Variants in HTR1F observed in about 807,000 individuals in gnomAD.
HTR1F encodes 5-hydroxytryptamine receptor 1F.
Under a neutral mutation model 24.0 loss-of-function variants are expected in HTR1F, and 17 were observed. The observed-to-expected ratio is 0.71, with a 90% CI of 0.48 to 1.06. HTR1F has a LOEUF of 1.06. Among genes scored for constraint, HTR1F ranks in the 50% least tolerant of loss-of-function variants. HTR1F has a pLI of 0.00. For missense variants in HTR1F, 391 were observed against 427.8 expected, an observed-to-expected ratio of 0.91 and a Z score of 0.76; for synonymous variants, 186 against 156.8, an observed-to-expected ratio of 1.19 and a Z score of -1.39.
chr3:87,824,373 G>T (rs886819811), intron 2 of HTR1F, among the ~76,000 whole-genome samples: 11 of 152,218 alleles, frequency 7.2e-5, no homozygotes, highest in African/African-American at 1.7e-4. Context: ...AATGCGACAT[G>T]ATTGGATCCC....
intron 2 of HTR1F, among the ~76,000 whole-genome samples, chr3:87,931,026 C>CTTTTTTTTTTTTTTTTTTTTTCTT (rs34617109): frequency 1.3e-4 from 17 of 131,820 alleles, no homozygotes; most frequent in Non-Finnish European, 2.1e-4. Flanking sequence ...ATAGTCTTTC[C>CTTTTTTTTTTTTTTTTTTTTTCTT]TTTTTTTTTT....
intron 2 of HTR1F, among the ~76,000 whole-genome samples, chr3:87,977,586 C>A (rs1454775882): frequency 2.1e-5 from 3 of 141,102 alleles, no homozygotes; most frequent in Non-Finnish European, 1.5e-5. Context: ...TTTTTTTTTT[C>A]TTTTTTTTTG....
At chr3:87,874,598 C>A in intron 2 of HTR1F, among the ~76,000 whole-genome samples, 1 of 151,034 alleles carries the variant, frequency 6.6e-6, no homozygotes. Flanking sequence ...AATACAATCC[C>A]TACCAAAATC....
At chr3:87,986,976 C>T (rs116197764) in intron 2 of HTR1F, among the ~76,000 whole-genome samples, 1 of 152,000 alleles carries the variant, frequency 6.6e-6, no homozygotes, top group South Asian at 2.1e-4. Context: ...TGTGGTGACA[C>T]GTGCCTGTAA....
rs1705858260 is a variant in HTR1F at position 87,992,449 on chromosome 3, GTGGGTTAGGTA to G, written c.*600_*610del. On this transcript the variant is annotated 3_prime_UTR_variant, in exon 3 of 3. Coordinates refer to ENST00000319595, the MANE Select transcript of HTR1F (RefSeq NM_001322209.2). ...TTAGGTAGCAAAGAGTAATCATAAAGTGGGTTAGGTACAGCAAAATAATTCAATACTGAACT... is the reference window on the plus strand; with the variant it reads ...TTAGGTAGCAAAGAGTAATCATAAAGCAGCAAAATAATTCAATACTGAACT... 2 of 167,002 alleles carry G rather than the reference GTGGGTTAGGTA, an allele frequency of 1.2e-5. No homozygotes were observed. The highest frequency in any genetic ancestry group is 2.9e-5 in the Non-Finnish European group (2 of 68,096). The allele number at this position is 167,002 out of a possible 1,614,324, so 10.3% of individuals were successfully genotyped here.
intron 2 of HTR1F, among the ~76,000 whole-genome samples, chr3:87,906,553 A>C (rs1277177941): frequency 6.6e-6 from 1 of 150,752 alleles, no homozygotes; most frequent in Non-Finnish European, 1.5e-5. Flanking sequence ...CTTTTTCTTT[A>C]TTTCAATAGG....
intron 2 of HTR1F, among the ~76,000 whole-genome samples, chr3:87,876,538 C>T (rs563105731): frequency 1.3e-5 from 2 of 152,146 alleles, no homozygotes; most frequent in African/African-American, 4.8e-5. Flanking sequence ...ATGACAAATG[C>T]TAAATGAAAT....
At chr3:87,848,711 T>A (rs990726586) in intron 2 of HTR1F, among the ~76,000 whole-genome samples, 5 of 151,734 alleles carry the variant, frequency 3.3e-5, no homozygotes, top group African/African-American at 9.7e-5. Flanking sequence ...GAAAACCCCA[T>A]CATCTCAGCC....
chr3:87,937,002 A>C (rs1383159403), intron 2 of HTR1F, among the ~76,000 whole-genome samples: 1 of 151,156 alleles, frequency 6.6e-6, no homozygotes, highest in Non-Finnish European at 1.5e-5. Context: ...CAACCAAAAA[A>C]ATCCCAGAAC....
intron 2 of HTR1F, among the ~76,000 whole-genome samples, chr3:87,903,888 A>G (rs530407418): frequency 3.1e-4 from 47 of 152,352 alleles, no homozygotes; most frequent in African/African-American, 8.7e-4. Context: ...ATGTCCAGCA[A>G]TGATACACAG....
At chr3:87,811,976 C>G (rs147488861) in intron 1 of HTR1F, among the ~76,000 whole-genome samples, 174 of 152,250 alleles carry the variant, frequency 1.1e-3, no homozygotes, top group African/African-American at 4.1e-3. Flanking sequence ...CATATGCACT[C>G]TCACCTGCCA....
chr3:87,900,257 G>T (rs1210081691), intron 2 of HTR1F, among the ~76,000 whole-genome samples: 1 of 152,078 alleles, frequency 6.6e-6, no homozygotes, highest in Admixed American at 6.6e-5. Context: ...AGACCTGAAG[G>T]GGGCAATAGA....
chr3:87,806,007 G>C (rs945018777), intron 1 of HTR1F, among the ~76,000 whole-genome samples: 3 of 151,908 alleles, frequency 2.0e-5, no homozygotes, highest in Non-Finnish European at 4.4e-5. Flanking sequence ...GTAAGAACAT[G>C]TGAAATTTGT....
At chr3:87,970,831 T>A (rs1231343140) in intron 2 of HTR1F, among the ~76,000 whole-genome samples, 1 of 152,236 alleles carries the variant, frequency 6.6e-6, no homozygotes, top group Non-Finnish European at 1.5e-5. Flanking sequence ...AGATATATAA[T>A]CCAACAATGT....
chr3:87,914,101 A>T (rs1354956004), intron 2 of HTR1F, among the ~76,000 whole-genome samples: 1 of 152,122 alleles, frequency 6.6e-6, no homozygotes, highest in Non-Finnish European at 1.5e-5. Context: ...CTGAAGGCCT[A>T]CATTACAAGG....
intron 2 of HTR1F, among the ~76,000 whole-genome samples, chr3:87,833,976 G>T (rs1373293858): frequency 6.6e-6 from 1 of 152,036 alleles, no homozygotes; most frequent in Non-Finnish European, 1.5e-5. Context: ...TTATCTTGTT[G>T]TATCTTCAAA....
chr3:87,910,674 T>C (rs192430197), intron 2 of HTR1F, among the ~76,000 whole-genome samples: 2 of 152,008 alleles, frequency 1.3e-5, no homozygotes, highest in African/African-American at 4.8e-5. Flanking sequence ...TATAAATTCT[T>C]CCCATCACTA....
chr3:87,852,906 C>T (rs1237393431), intron 2 of HTR1F, among the ~76,000 whole-genome samples: 2 of 150,942 alleles, frequency 1.3e-5, no homozygotes, highest in African/African-American at 4.9e-5. Context: ...ATTTTTACGT[C>T]CTTCAATAAA....
chr3:87,988,722 C>A (rs1479234744), intron 2 of HTR1F, among the ~76,000 whole-genome samples: 2 of 151,682 alleles, frequency 1.3e-5, no homozygotes, highest in Admixed American at 1.3e-4. Flanking sequence ...GCGTGTGCCA[C>A]CAAGCCCCAA....
Sources: gnomAD v4.1 joint callset for allele counts (sites outside exome capture counted in the v4.1 genomes callset) on GRCh38, gnomAD v4.1.1 for gene constraint, MANE v1.5 for transcripts, NCBI Gene and HGNC (gene_info 2026-07-23, HGNC 2026-07-21) for gene names.